Variants in FUT8 observed in about 807,000 individuals in gnomAD.
FUT8 encodes the protein fucosyltransferase 8.
Under a neutral mutation model 71.3 loss-of-function variants are expected in FUT8, and 29 were observed. The observed-to-expected ratio is 0.41, with a 90% confidence interval of 0.30 to 0.55. The LOEUF (loss-of-function observed/expected upper bound fraction) is 0.55, where lower values mean the gene tolerates loss of function less well. Among genes scored for constraint, FUT8 ranks in the 20% least tolerant of loss-of-function variants. The probability of loss-of-function intolerance (pLI) is 0.34; values close to 1 mark genes in which losing one functional copy is unlikely to be tolerated. For synonymous variants in FUT8, 254 were observed against 239.3 expected (o/e 1.06, Z -0.57); for missense variants, 544 against 702.1 (o/e 0.77, Z 2.55).
chr14:65,643,654 T>TAA lies in FUT8; in HGVS notation c.597+14057_597+14058dup, dbSNP rs141578703. Among the ~76,000 whole-genome samples, 1 of 118,252 alleles carries TAA rather than the reference T, an allele frequency of 8.5e-6. No individual in the cohort carries two copies. The highest frequency in any genetic ancestry group is 1.7e-5 in the Non-Finnish European group (1 of 58,184). The allele number at this position is 118,252 out of a possible 152,430, so 77.6% of individuals were successfully genotyped here. A position where few individuals can be genotyped will look rare whatever the true frequency, so the allele number is the denominator to read the frequency against. On this transcript the variant is annotated intron_variant, in intron 6 of 10. Coordinates refer to ENST00000673929, the MANE Select transcript of FUT8 (RefSeq NM_001371533.1). The surrounding 1 kb of genome is among the most constrained non-coding windows in gnomAD (Gnocchi z 4.5). ...GGGCGACAGAGCGAGACTCCGTCTTTAAAAAAAAAATACACACACACACAC... is the reference window on the plus strand; with the variant it reads ...GGGCGACAGAGCGAGACTCCGTCTTTAAAAAAAAAAAATACACACACACACAC...
intron 8 of FUT8, 87 bp downstream of exon 8, chr14:65,722,108 G>T: frequency 6.7e-7 from 1 of 1,483,248 alleles, no homozygotes; most frequent in Non-Finnish European, 9.1e-7. Context: ...TTTACAATAT[G>T]TAGTTCAATT....
intron 2 of FUT8, among the ~76,000 whole-genome samples, chr14:65,456,887 AT>A (rs1228042276): frequency 1.3e-5 from 2 of 150,028 alleles, no homozygotes; most frequent in Admixed American, 6.6e-5. Flanking sequence ...AAAAAAAAAA[AT>A]TTTTTTTTGC....
At chr14:65,619,401 C>T (rs970947845) in intron 5 of FUT8, among the ~76,000 whole-genome samples, 6 of 152,128 alleles carry the variant, frequency 3.9e-5, no homozygotes, top group African/African-American at 1.4e-4. Context: ...GTTTCCTCTC[C>T]TGGAATCTGG....
the FUT8 span, among the ~76,000 whole-genome samples, chr14:65,389,551 G>A: frequency 1.9e-4 from 29 of 152,164 alleles, no homozygotes; most frequent in African/African-American, 6.5e-4. Flanking sequence ...GACCTCAACT[G>A]ATCCACCTAC....
At chr14:65,687,418 T>C (rs1306068133) in intron 7 of FUT8, among the ~76,000 whole-genome samples, 3 of 152,228 alleles carry the variant, frequency 2.0e-5, no homozygotes, top group Non-Finnish European at 2.9e-5. Flanking sequence ...TTGTATCATA[T>C]TGTCATTTTG....
At chr14:65,742,018 T>A in intron 10 of FUT8, 75 bp from the exon 11 acceptor site, 1 of 1,257,078 alleles carries the variant, frequency 8.0e-7, no homozygotes, top group Admixed American at 2.0e-5. Context: ...GCCCATCCTT[T>A]TGGCCAAGGG....
chr14:65,664,134 C>G (rs959044114), intron 6 of FUT8, among the ~76,000 whole-genome samples: 2 of 152,022 alleles, frequency 1.3e-5, no homozygotes, highest in Non-Finnish European at 2.9e-5. Context: ...CTTTTTCATT[C>G]ATATGAATTT....
the FUT8 span, among the ~76,000 whole-genome samples, chr14:65,376,136 T>C: frequency 6.6e-6 from 1 of 151,332 alleles, no homozygotes; most frequent in Non-Finnish European, 1.5e-5. Flanking sequence ...AGAAAAGGTG[T>C]GTATTCTGGA....
chr14:65,404,775 G>A, the FUT8 span, among the ~76,000 whole-genome samples: 5 of 152,136 alleles, frequency 3.3e-5, no homozygotes, highest in African/African-American at 9.7e-5. Flanking sequence ...ACCCGGCGCC[G>A]GCCTTGCTCC....
chr14:65,589,733 C>T (rs1311705514), intron 3 of FUT8, among the ~76,000 whole-genome samples: 2 of 152,126 alleles, frequency 1.3e-5, no homozygotes, highest in Admixed American at 6.6e-5. Context: ...CCTGAGCCAC[C>T]ATGCCCAGCT....
intron 1 of FUT8, among the ~76,000 whole-genome samples, chr14:65,417,529 G>C (rs141577060): frequency 6.6e-6 from 1 of 152,072 alleles, no homozygotes; most frequent in Admixed American, 6.6e-5. Flanking sequence ...GAATTATGCC[G>C]TATTTGTCAA....
intron 2 of FUT8, among the ~76,000 whole-genome samples, chr14:65,482,880 A>G (rs1012074200): frequency 1.8e-4 from 27 of 152,156 alleles, no homozygotes; most frequent in Admixed American, 1.6e-3. Context: ...GTACTTGCTT[A>G]GTGGACTGTA....
In FUT8 at chr14:65,508,570, G is replaced by A. The variant is rs1260904932; in HGVS notation, c.-227-52767G>A. Among the ~76,000 whole-genome samples, 4 of 124,374 alleles carry A rather than the reference G, an allele frequency of 3.2e-5. No individual in the cohort carries two copies. The East Asian group carries it at 7.5e-4, about 23-fold the overall frequency. 81.6% of individuals were successfully genotyped at this position (124,374 alleles called of 152,430 possible). A position where few individuals can be genotyped will look rare whatever the true frequency, so the allele number is the denominator to read the frequency against. ...GGCTGGAGTGCAATGGCATAATCTC[G>A]GCTCACTACAACCTCCACCTCCCGG... is the stretch of plus-strand genomic sequence containing the variant. On this transcript the variant is annotated intron_variant, in intron 2 of 10. Transcript: ENST00000673929.
chr14:65,691,644 C>T (rs1373314928), intron 7 of FUT8, among the ~76,000 whole-genome samples: 1 of 151,762 alleles, frequency 6.6e-6, no homozygotes, highest in African/African-American at 2.4e-5. Flanking sequence ...GGGTGTTTCT[C>T]GCAGAGGGGG....
chr14:65,629,685 GT>G (rs985966416), intron 6 of FUT8, 79 bp downstream of exon 6: 3 of 989,382 alleles, frequency 3.0e-6, no homozygotes, highest in East Asian at 2.4e-5. Context: ...AATTTCAGTT[GT>G]TTTTAGTCTT....
intron 3 of FUT8, among the ~76,000 whole-genome samples, chr14:65,594,161 C>A (rs1291921977): frequency 6.6e-6 from 1 of 152,214 alleles, no homozygotes; most frequent in Non-Finnish European, 1.5e-5. Flanking sequence ...CTCGTTTACT[C>A]AGCCTGCCCC....
At chr14:65,559,478 C>T (rs1302283901) in intron 2 of FUT8, among the ~76,000 whole-genome samples, 2 of 151,972 alleles carry the variant, frequency 1.3e-5, no homozygotes, top group Non-Finnish European at 2.9e-5. Flanking sequence ...GTAAGAAACC[C>T]GAACATCTGT....
chr14:65,657,066 ACT>A (rs1413854036), intron 6 of FUT8, among the ~76,000 whole-genome samples: 2 of 152,124 alleles, frequency 1.3e-5, no homozygotes. Context: ...CATTGGGGAA[ACT>A]CTCCAGGACA....
chr14:65,557,335 C>CCT (rs1885640449), intron 2 of FUT8, among the ~76,000 whole-genome samples: 1 of 147,638 alleles, frequency 6.8e-6, no homozygotes, highest in African/African-American at 2.4e-5. Context: ...CTCTCTCTCC[C>CCT]CTTTTTTTTT....
Sources: gnomAD v4.1 joint callset for allele counts (sites outside exome capture counted in the v4.1 genomes callset) on GRCh38, gnomAD v4.1.1 for gene constraint, Gnocchi (gnomAD v3.1) non-coding constraint, MANE v1.5 for transcripts, NCBI Gene and HGNC (gene_info 2026-07-23, HGNC 2026-07-21) for gene names.